The following NFRKB variants were observed in gnomAD, a reference collection of about 807,000 sequenced individuals.
NFRKB encodes nuclear factor related to kappa-B-binding protein.
In NFRKB, 62 loss-of-function variants were observed where a neutral mutation model predicts 135.7. That is an observed-to-expected ratio of 0.46 (90% CI 0.37 to 0.56). The LOEUF (loss-of-function observed/expected upper bound fraction) is 0.56. NFRKB is among the 20% of genes least tolerant of loss of function. NFRKB has a pLI of 0.00. For missense variants in NFRKB, 1,545 were observed against 1,662.0 expected (o/e 0.93, Z 1.22); for synonymous variants, 678 against 635.6 (o/e 1.07, Z -1.00).
chr11:129,878,265 A>G, intron 15 of NFRKB, 44 bp downstream of exon 15: 1 of 1,599,276 alleles, frequency 6.3e-7, no homozygotes, highest in South Asian at 1.1e-5. Context: ...TATCTGAACT[A>G]CAGTTTCCCA....
intron 24 of NFRKB, among the ~76,000 whole-genome samples, chr11:129,868,440 A>G (rs942441563): frequency 1.3e-5 from 2 of 152,214 alleles, no homozygotes; most frequent in African/African-American, 4.8e-5. Context: ...TGGTATCAGC[A>G]CTGCTTAAGG....
At chr11:129,875,523 T>G in intron 17 of NFRKB, 60 bp from the exon 18 acceptor site, 1 of 1,348,478 alleles carries the variant, frequency 7.4e-7, no homozygotes. Flanking sequence ...GGAGGTACAA[T>G]CTCCTGTACC....
chr11:129,874,519 G>A lies in NFRKB; in HGVS notation c.2040C>T (p.Pro680=). 3 of 1,614,116 alleles carry A rather than the reference G, an allele frequency of 1.9e-6. No individual in the cohort carries two copies. The highest frequency in any genetic ancestry group is 2.5e-6 in the Non-Finnish European group (3 of 1,180,004). The change falls in exon 20 of 27, where the codon CCC becomes CCT. Residue 680 remains proline (P), a synonymous_variant. Coordinates refer to ENST00000682444, the MANE Select transcript of NFRKB (RefSeq NM_001143835.2). The surrounding 1 kb of genome is among the most constrained non-coding windows in gnomAD (Gnocchi z 4.5). The part of the protein sequence containing the change: ...AKARKALQQK[P]KPPSKVKSSS... ...CACTTACCACCTTGGATGGGGGCTT[G>A]GGTTTTTGCTGAAGAGCTTTTCTGG...
chr11:129,873,096 T>C lies in NFRKB; in HGVS notation c.2551A>G (p.Thr851Ala), dbSNP rs1184382612. ...TATQTKVVPQ[T>A]VMATVPVKAQ... ...TTGACGGGCACAGTGGCCATTACTG[T>C]CTAGTTGAGGGCATGAGGCCAAGAG... Residue 851 changes from threonine to alanine, a missense_variant and splice_region_variant, in exon 23 of 27, where the codon ACA becomes GCA. Coordinates refer to ENST00000682444, the MANE Select transcript of NFRKB (RefSeq NM_001143835.2). 4.4e-6 allele frequency: 7 copies of C among 1,597,582 alleles called. No homozygotes were observed. The highest frequency in any genetic ancestry group is 1.7e-4 in the Middle Eastern group (1 of 6,046).
intron 3 of NFRKB, among the ~76,000 whole-genome samples, chr11:129,891,626 G>C (rs1160704166): frequency 1.1e-4 from 17 of 152,132 alleles, no homozygotes; most frequent in Non-Finnish European, 2.1e-4. Context: ...AGCACCATTA[G>C]CACCACTGCA....
intron 13 of NFRKB, among the ~76,000 whole-genome samples, chr11:129,880,857 G>A (rs1565410439): frequency 2.0e-5 from 3 of 152,196 alleles, no homozygotes; most frequent in Admixed American, 1.3e-4. Context: ...CTCTCCATAC[G>A]CTTCTCCACA....
In NFRKB at chr11:129,863,716, T is replaced by G. The variant is rs1358658581; in HGVS notation, c.*1009A>C. 1 of 152,372 alleles carries G rather than the reference T, an allele frequency of 6.6e-6. No individual in the cohort carries two copies. Among genetic ancestry groups the G allele is most frequent in the African/African-American group, 2.4e-5 (1 of 41,464 alleles). The allele number at this position is 152,372 out of a possible 1,614,324, so 9.4% of individuals were successfully genotyped here. A position where few individuals can be genotyped will look rare whatever the true frequency, so the allele number is the denominator to read the frequency against. ...AGGGCCATCCAGTCTCTATGTCAAC[T>G]ACTCAATTCTGCCTTCGAATCTGAA... is the stretch of plus-strand genomic sequence containing the variant. On this transcript the variant is annotated 3_prime_UTR_variant, in exon 27 of 27. Coordinates refer to ENST00000682444, the MANE Select transcript of NFRKB (RefSeq NM_001143835.2).
rs1328122682 is a variant in NFRKB, at chr11:129,870,217, G to C, written c.2808C>G (p.Asn936Lys). 1 of 1,614,070 alleles carries C rather than the reference G, an allele frequency of 6.2e-7. No individual in the cohort carries two copies. Among genetic ancestry groups the C allele is most frequent in the Non-Finnish European group, 8.5e-7 (1 of 1,180,034 alleles). The change falls in exon 24 of 27, where the codon AAC becomes AAG. Residue 936 changes from asparagine (N) to lysine (K), a missense_variant. By Grantham distance (94) the Asn-to-Lys change is moderately conservative. Transcript: ENST00000682444. The stretch of plus-strand genomic sequence containing the variant: ...AGTTAGTGGCTGTGAGTGGAATGCT[G>C]TTGCCTGTTTGGGGCTTCACACCAA... ...GQLGVKPQTG[N>K]SIPLTATNFR... is the part of the protein sequence containing the mutation.
intron 1 of NFRKB, 31 bp from the exon 2 acceptor site, chr11:129,894,469 G>A (rs370343521): frequency 1.3e-5 from 2 of 152,170 alleles, no homozygotes; most frequent in Admixed American, 1.3e-4. Flanking sequence ...ATGAGTGACA[G>A]TGTGAATTAC....
Position 129,873,860 on chromosome 11 carries a change from C to T in NFRKB, c.2435G>A (p.Ser812Asn). 1.2e-6 allele frequency: 2 copies of T among 1,614,154 alleles called. No individual in the cohort carries two copies. Among genetic ancestry groups the T allele is most frequent in the South Asian group, 2.2e-5 (2 of 91,086 alleles). The change falls in exon 22 of 27, where the codon AGC becomes AAC. Residue 812 changes from serine (S) to asparagine (N), a missense_variant. Ser to Asn is a conservative substitution (Grantham distance 46). Around this residue, in one of 3 missense-constraint regions of NFRKB, gnomAD observed 753 missense variants for 804.3 expected, o/e 0.94. Coordinates refer to ENST00000682444, the MANE Select transcript of NFRKB (RefSeq NM_001143835.2). Reference protein sequence around the residue: ...LSQVRVVAQPSLPAVPQQSGG... With the variant: ...LSQVRVVAQPNLPAVPQQSGG... ...CGACTGCTGGGGAACAGCAGGAAGGCTAGGCTGGGCCACCACTCGCACCTG... is the reference window on the plus strand; with the variant it reads ...CGACTGCTGGGGAACAGCAGGAAGGTTAGGCTGGGCCACCACTCGCACCTG...
Position 129,895,511 on chromosome 11 carries a change from CG to C in NFRKB, c.-118del, listed in dbSNP as rs1361104395. The stretch of plus-strand genomic sequence containing the variant: ...CCGCCCTCACCTGAACCGCGGGCGC[CG>C]GCCCCCTAACCCGCAGCCCTTCTCC... On this transcript the variant is annotated 5_prime_UTR_variant, in exon 1 of 27. Transcript: ENST00000682444. 4 of 152,436 alleles carry C rather than the reference CG, an allele frequency of 2.6e-5. No individual in the cohort carries two copies. Among genetic ancestry groups the C allele is most frequent in the Non-Finnish European group, 5.9e-5 (4 of 68,226 alleles). The allele number at this position is 152,436 out of a possible 1,614,324, so 9.4% of individuals were successfully genotyped here.
chr11:129,882,504 G>C lies in NFRKB; in HGVS notation c.1029C>G (p.Val343=). 1 of 1,614,002 alleles carries C rather than the reference G, an allele frequency of 6.2e-7. No individual in the cohort carries two copies. Among genetic ancestry groups the C allele is most frequent in the Non-Finnish European group, 8.5e-7 (1 of 1,179,932 alleles). The part of the protein sequence containing the change: ...LAEPLSSTEG[V]APLSQAPSPL... ...GAGAGGGGGCCTGTGAGAGAGGTGC[G>C]ACCCCTTCAGTACTGCTTAGCGGCT... is the stretch of plus-strand genomic sequence containing the variant. Residue 343 remains valine (V), a synonymous_variant, in exon 10 of 27, where the codon GTC becomes GTG. Transcript: ENST00000682444.
intron 9 of NFRKB, among the ~76,000 whole-genome samples, chr11:129,882,845 G>A (rs1055587823): frequency 2.0e-5 from 3 of 152,002 alleles, no homozygotes; most frequent in African/African-American, 7.3e-5. Context: ...GTGCAGTGGT[G>A]CGATCATAGC....
At position 129,883,022 on chromosome 11, in the gene NFRKB, T is replaced by C. The variant is rs770241905; in HGVS notation, c.901+100A>G. The C allele has an allele frequency of 2.3e-4, 240 of 1,050,054 alleles. 1 individual carries two copies. The highest frequency in any genetic ancestry group is 2.6e-4 in the Middle Eastern group (1 of 3,792). 65.0% of individuals were successfully genotyped at this position (1,050,054 alleles called of 1,614,324 possible). A position where few individuals can be genotyped will look rare whatever the true frequency, so the allele number is the denominator to read the frequency against. ...GAGGTAATAATAAAGGTTACCAGCA[T>C]GAGAGAGGCCATGGTTTCATTTATT... is the stretch of plus-strand genomic sequence containing the variant. On this transcript the variant is annotated intron_variant, in intron 9 of 26. Transcript: ENST00000682444.
Position 129,884,151 on chromosome 11 carries a change from A to C in NFRKB, c.743-8T>G. The C allele has an allele frequency of 1.2e-6, 2 of 1,613,172 alleles. No individual in the cohort carries two copies. Among genetic ancestry groups the C allele is most frequent in the Non-Finnish European group, 8.5e-7 (1 of 1,179,114 alleles). On this transcript the variant is annotated splice_region_variant and splice_polypyrimidine_tract_variant and intron_variant, in intron 7 of 26. Transcript: ENST00000682444. The stretch of plus-strand genomic sequence containing the variant: ...CCCCCAGTTCTACTTTATCTGAGAA[A>C]ACAAACCAAACCATATTCACTATCA...
Position 129,882,521 on chromosome 11 carries a change from T to C in NFRKB, c.1012A>G (p.Ser338Gly). ...AGAGGTGCGACCCCTTCAGTACTGC[T>C]TAGCGGCTCGGCCAGGTCCTCTGCC... ...SEAEDLAEPLSSTEGVAPLSQ... is the reference protein window; with the variant it reads ...SEAEDLAEPLGSTEGVAPLSQ... Residue 338 changes from serine (S) to glycine (G), a missense_variant, in exon 10 of 27, where the codon AGC becomes GGC. Ser to Gly is a moderately conservative substitution (Grantham distance 56). This residue lies in a region of NFRKB where 678 missense variants were observed against 646.7 expected (regional missense o/e 1.05). Coordinates refer to ENST00000682444, the MANE Select transcript of NFRKB (RefSeq NM_001143835.2). 1.9e-6 allele frequency: 3 copies of C among 1,614,124 alleles called. No individual in the cohort carries two copies. Among genetic ancestry groups the C allele is most frequent in the Non-Finnish European group, 2.5e-6 (3 of 1,179,958 alleles).
At chr11:129,871,136 A>C (rs1416069279) in intron 23 of NFRKB, among the ~76,000 whole-genome samples, 1 of 152,222 alleles carries the variant, frequency 6.6e-6, no homozygotes, top group African/African-American at 2.4e-5. Flanking sequence ...AGTTAAAATC[A>C]TCTCTAAATT....
chr11:129,894,253 T>C (rs547466899), intron 2 of NFRKB, 106 bp downstream of exon 2: 3 of 152,254 alleles, frequency 2.0e-5, no homozygotes, highest in African/African-American at 7.2e-5. Flanking sequence ...TCCTACAAAG[T>C]GGGCTAAAAA....
intron 3 of NFRKB, among the ~76,000 whole-genome samples, chr11:129,892,156 C>G (rs892175276): frequency 2.0e-5 from 3 of 152,078 alleles, no homozygotes; most frequent in African/African-American, 7.2e-5. Flanking sequence ...GCGCCTATCA[C>G]CCAAGCAGTG....
Sources: gnomAD v4.1 joint callset for allele counts (sites outside exome capture counted in the v4.1 genomes callset) on GRCh38, gnomAD v4.1.1 for gene constraint, gnomAD v4.1.1 regional missense constraint, Gnocchi (gnomAD v3.1) non-coding constraint, MANE v1.5 for transcripts, NCBI Gene and HGNC (gene_info 2026-07-23, HGNC 2026-07-21) for gene names.